NKAPD1: variants seen among roughly 807,000 people sequenced by gnomAD.
The protein encoded by NKAPD1 is NKAP domain containing 1.
NKAPD1 carries 12 observed loss-of-function variants against 30.9 expected under a neutral mutation model. The ratio of observed to expected loss-of-function variants is 0.39; its 90% CI spans 0.25 to 0.63. The LOEUF is 0.63. Ranked by LOEUF, NKAPD1 falls within the 20% of genes least tolerant of loss-of-function variation. The probability of loss-of-function intolerance (pLI) is 0.51; values close to 1 mark genes in which losing one functional copy is unlikely to be tolerated. For synonymous variants in NKAPD1, 91 were observed against 113.6 expected, an observed-to-expected ratio of 0.80 and a Z score of 1.26; for missense variants, 311 against 344.5, an observed-to-expected ratio of 0.90 and a Z score of 0.77.
At chr11:112,075,514 G>T in intron 1 of NKAPD1, 53 bp from the exon 2 acceptor site, 1 of 1,371,166 alleles carries the variant, frequency 7.3e-7, no homozygotes, top group Admixed American at 2.0e-5. Context: ...TTCAAGAAAA[G>T]ATAAAGTAAT....
rs1012982267 is a variant in NKAPD1 at position 112,085,085 on chromosome 11, T to C, written c.*2113T>C. On this transcript the variant is annotated 3_prime_UTR_variant, in exon 6 of 6. Transcript: ENST00000393047. ...AGAAGAGTTGGAGAATTCACACTTA[T>C]TGAGTAACTGATGTCATACAACCTG... is the stretch of plus-strand genomic sequence containing the variant. The C allele has an allele frequency of 2.3e-5, 10 of 431,472 alleles. No homozygotes were observed. The highest frequency in any genetic ancestry group is 6.6e-5 in the East Asian group (2 of 30,108). The allele number at this position is 431,472 out of a possible 1,614,324, so 26.7% of individuals were successfully genotyped here.
chr11:112,080,878 C>CCA, intron 4 of NKAPD1: 1 of 319,276 alleles, frequency 3.1e-6, no homozygotes, highest in South Asian at 3.2e-5. Context: ...TTGTATGATT[C>CCA]TATTTATGTA....
In NKAPD1 at chr11:112,081,971, T is replaced by A. The variant is rs1454518263; in HGVS notation, c.321-11T>A. Reference sequence around the variant, plus strand: ...TTGCTTTAACAATACATGTGATGTGTCATATTACAGATGGGGTCACAGTGG... The same window carrying A: ...TTGCTTTAACAATACATGTGATGTGACATATTACAGATGGGGTCACAGTGG... On this transcript the variant is annotated splice_polypyrimidine_tract_variant and intron_variant, in intron 4 of 5. Transcript: ENST00000393047. 1.2e-6 allele frequency: 2 copies of A among 1,610,378 alleles called. No homozygotes were observed. Among genetic ancestry groups the A allele is most frequent in the Admixed American group, 3.3e-5 (2 of 59,814 alleles).
intron 2 of NKAPD1, among the ~76,000 whole-genome samples, chr11:112,077,921 C>A (rs960471738): frequency 6.6e-5 from 10 of 151,826 alleles, no homozygotes; most frequent in Admixed American, 5.2e-4. Flanking sequence ...TCTCGGCTCA[C>A]TGCAACCTCT....
intron 3 of NKAPD1, among the ~76,000 whole-genome samples, chr11:112,078,764 G>T (rs1234643257): frequency 6.6e-6 from 1 of 152,008 alleles, no homozygotes; most frequent in Non-Finnish European, 1.5e-5. Flanking sequence ...TGTTCCCCAG[G>T]CTGGTATAGA....
Position 112,080,448 on chromosome 11 carries a change from A to C in NKAPD1, c.210A>C (p.Arg70Ser). Residue 70 changes from arginine to serine, a missense_variant, in exon 4 of 6, where the codon AGA becomes AGC. Arg to Ser is a moderately radical substitution (Grantham distance 110). Transcript: ENST00000393047. ...RSDGFDEESQ[R>S]YYWRPKNEIS... ...ATGGTTTTGATGAAGAAAGTCAAAG[A>C]TACTATTGGAGGCCAAAGAATGAAA... The C allele has an allele frequency of 6.2e-7, 1 of 1,614,072 alleles. No homozygotes were observed. Among genetic ancestry groups the C allele is most frequent in the South Asian group, 1.1e-5 (1 of 91,062 alleles).
intron 2 of NKAPD1, 188 bp downstream of exon 2, chr11:112,075,831 A>G (rs2135241202): frequency 1.7e-6 from 1 of 585,622 alleles, no homozygotes; most frequent in Non-Finnish European, 2.9e-6. Context: ...TAAGTACTGT[A>G]TAACAGAGAT....
At chr11:112,082,428 T>G (rs776606388) in intron 5 of NKAPD1, 37 bp from the exon 6 acceptor site, 1 of 1,437,118 alleles carries the variant, frequency 7.0e-7, no homozygotes, top group Non-Finnish European at 9.2e-7. Context: ...GCTTTTTTTT[T>G]ACATAAAAGC....
In NKAPD1 at chr11:112,075,549, T is replaced by C. The variant is rs1251536207; in HGVS notation, c.-8-18T>C. On this transcript the variant is annotated intron_variant, in intron 1 of 5. Coordinates refer to ENST00000393047, the MANE Select transcript of NKAPD1 (RefSeq NM_018195.4). ...TAACAGAAATTATTACTAAACGTTA[T>C]TTGTTGATTCATTTCAGATTGAAGA... 1 of 1,559,198 alleles carries C rather than the reference T, an allele frequency of 6.4e-7. No individual in the cohort carries two copies. The highest frequency in any genetic ancestry group is 1.7e-5 in the Admixed American group (1 of 57,754).
chr11:112,075,314 C>T (rs1865298079), intron 1 of NKAPD1, among the ~76,000 whole-genome samples: 1 of 152,198 alleles, frequency 6.6e-6, no homozygotes, highest in African/African-American at 2.4e-5. Flanking sequence ...AAATGGTGCT[C>T]ATGAAAGCAC....
At chr11:112,075,193 A>G (rs1865290589) in intron 1 of NKAPD1, among the ~76,000 whole-genome samples, 1 of 152,198 alleles carries the variant, frequency 6.6e-6, no homozygotes, top group South Asian at 2.1e-4. Context: ...GACATACATC[A>G]TTTGCCTGGG....
chr11:112,076,270 G>A (rs888648317), intron 2 of NKAPD1, among the ~76,000 whole-genome samples: 6 of 152,156 alleles, frequency 3.9e-5, no homozygotes, highest in Non-Finnish European at 7.3e-5. Context: ...AATCAGATGG[G>A]GAGATACAGA....
At position 112,080,862 on chromosome 11, in the gene NKAPD1, C is replaced by A. The variant is rs186005613; in HGVS notation, c.320+304C>A. On this transcript the variant is annotated intron_variant, in intron 4 of 5. Coordinates refer to ENST00000393047, the MANE Select transcript of NKAPD1 (RefSeq NM_018195.4). The stretch of plus-strand genomic sequence containing the variant: ...AGGAAGAAGCCAAGTCACGAAAGAC[C>A]GCATATTGTATGATTCTATTTATGT... 2.4e-3 allele frequency: 814 copies of A among 340,562 alleles called. 9 individuals carry two copies. The highest frequency in any genetic ancestry group is 0.015 in the African/African-American group (711 of 46,384). 21.1% of individuals were successfully genotyped at this position (340,562 alleles called of 1,614,324 possible).
At chr11:112,080,678 C>T (rs935440368) in intron 4 of NKAPD1, 120 bp downstream of exon 4, 14 of 1,157,998 alleles carry the variant, frequency 1.2e-5, no homozygotes, top group Non-Finnish European at 1.7e-5. Context: ...TAATAATGGC[C>T]CCAAAAAATA....
Position 112,084,181 on chromosome 11 carries a change from G to A in NKAPD1, c.*1209G>A, listed in dbSNP as rs1865525302. On this transcript the variant is annotated 3_prime_UTR_variant, in exon 6 of 6. Transcript: ENST00000393047. Reference sequence around the variant, plus strand: ...CACTCATTGGTTATGAGGAGGCCCAGAGCAGGTAAGTTCACCTTCCTGGCC... The same window carrying A: ...CACTCATTGGTTATGAGGAGGCCCAAAGCAGGTAAGTTCACCTTCCTGGCC... 6.6e-6 allele frequency: 1 copy of A among 152,628 alleles called. No homozygotes were observed. Among genetic ancestry groups the A allele is most frequent in the Non-Finnish European group, 1.5e-5 (1 of 68,050 alleles). The allele number at this position is 152,628 out of a possible 1,614,324, so 9.5% of individuals were successfully genotyped here.
Position 112,083,151 on chromosome 11 carries a change from G to A in NKAPD1, c.*179G>A, listed in dbSNP as rs1865498192. ...GCGTTAAGCTTGATCCCCTTTTCTT[G>A]TTAAAAGGGAATCTGGTATTTTGTT... On this transcript the variant is annotated 3_prime_UTR_variant, in exon 6 of 6. Coordinates refer to ENST00000393047, the MANE Select transcript of NKAPD1 (RefSeq NM_018195.4). 4 of 546,366 alleles carry A rather than the reference G, an allele frequency of 7.3e-6. No individual in the cohort carries two copies. The highest frequency in any genetic ancestry group is 1.2e-5 in the Non-Finnish European group (4 of 335,456). The allele number at this position is 546,366 out of a possible 1,614,324, so 33.8% of individuals were successfully genotyped here. A position where few individuals can be genotyped will look rare whatever the true frequency, so the allele number is the denominator to read the frequency against.
Position 112,085,034 on chromosome 11 carries a change from A to G in NKAPD1, c.*2062A>G, listed in dbSNP as rs149707049. 2.3e-4 allele frequency: 73 copies of G among 321,904 alleles called. No individual in the cohort carries two copies. The highest frequency in any genetic ancestry group is 1.4e-3 in the African/African-American group (67 of 47,870). The allele number at this position is 321,904 out of a possible 1,614,324, so 19.9% of individuals were successfully genotyped here. A position where few individuals can be genotyped will look rare whatever the true frequency, so the allele number is the denominator to read the frequency against. ...GTGTTCCTGCCAATCAGAGATCTCT[A>G]TATTAAATTCTAAAATGGGATTAAA... On this transcript the variant is annotated 3_prime_UTR_variant, in exon 6 of 6. Transcript: ENST00000393047.
Position 112,078,210 on chromosome 11 carries a change from T to G in NKAPD1, c.70-5T>G, listed in dbSNP as rs1436435672. ...TTATTTTTATTTCCTTTTTAAAAAT[T>G]CTAGATTCAGGAGGAATCAGATATG... On this transcript the variant is annotated splice_polypyrimidine_tract_variant and splice_region_variant and intron_variant, in intron 2 of 5. Coordinates refer to ENST00000393047, the MANE Select transcript of NKAPD1 (RefSeq NM_018195.4). The G allele has an allele frequency of 6.3e-7, 1 of 1,581,346 alleles. No individual in the cohort carries two copies. Among genetic ancestry groups the G allele is most frequent in the African/African-American group, 1.4e-5 (1 of 72,704 alleles).
chr11:112,078,457 A>G (rs1252183124), intron 3 of NKAPD1, 142 bp downstream of exon 3: 1 of 707,836 alleles, frequency 1.4e-6, no homozygotes. Context: ...ATCTAGACCC[A>G]GGCATAAAGA....
Sources: gnomAD v4.1 joint callset for allele counts (sites outside exome capture counted in the v4.1 genomes callset) on GRCh38, gnomAD v4.1.1 for gene constraint, MANE v1.5 for transcripts, NCBI Gene and HGNC (gene_info 2026-07-23, HGNC 2026-07-21) for gene names.